The following CDH13 variants were observed in gnomAD, a reference collection of about 807,000 sequenced individuals.
CDH13 encodes cadherin 13.
In CDH13, 24 loss-of-function variants were observed where a neutral mutation model predicts 63.8. The ratio of observed to expected loss-of-function variants is 0.38; its 90% CI spans 0.27 to 0.53. CDH13 has a LOEUF of 0.53. Among genes scored for constraint, CDH13 ranks in the 20% least tolerant of loss-of-function variants. The pLI is 0.85. For missense variants in CDH13, 1,049 were observed against 903.1 expected, an observed-to-expected ratio of 1.16 and a Z score of -2.07; for synonymous variants, 503 against 355.3, an observed-to-expected ratio of 1.42 and a Z score of -4.67.
chr16:83,325,624 G>C, intron 5 of CDH13, among the ~76,000 whole-genome samples: 1 of 152,056 alleles, frequency 6.6e-6, no homozygotes, highest in East Asian at 1.9e-4. Context: ...GCCTCGATGT[G>C]GCCTGTTAAC....
At chr16:82,638,852 A>G (rs1037243353) in intron 1 of CDH13, among the ~76,000 whole-genome samples, 2 of 69,056 alleles carry the variant, frequency 2.9e-5, no homozygotes, top group Admixed American at 1.4e-4. Context: ...GCATGCACGC[A>G]CCAGTGCCAT....
At position 82,776,025 on chromosome 16, in the gene CDH13, T is replaced by C. The variant is rs531140941; in HGVS notation, c.46-82337T>C. 5.3e-5 allele frequency among the ~76,000 whole-genome samples: 8 copies of C among 152,218 alleles called. No homozygotes were observed. The South Asian group carries it at 8.3e-4, about 16-fold the overall frequency. On this transcript the variant is annotated intron_variant, in intron 1 of 13. Coordinates refer to ENST00000567109, the MANE Select transcript of CDH13 (RefSeq NM_001257.5). ...AGGAGTTCAAGACCAGTCTGGCCAA[T>C]GTGGCAAAACACTCTCTCTCCTAAA...
intron 4 of CDH13, among the ~76,000 whole-genome samples, chr16:83,156,435 C>T (rs1319320339): frequency 6.6e-6 from 1 of 152,142 alleles, no homozygotes; most frequent in Non-Finnish European, 1.5e-5. Context: ...CTAAGATACA[C>T]ACCCCATCTA....
At chr16:83,208,954 G>A (rs2039258028) in intron 4 of CDH13, among the ~76,000 whole-genome samples, 1 of 152,142 alleles carries the variant, frequency 6.6e-6, no homozygotes, top group African/African-American at 2.4e-5. Flanking sequence ...GATAGGGAGG[G>A]TATTAAGTCC....
At chr16:82,877,354 A>G (rs1246673901) in intron 2 of CDH13, among the ~76,000 whole-genome samples, 2 of 152,222 alleles carry the variant, frequency 1.3e-5, no homozygotes, top group Non-Finnish European at 2.9e-5. Flanking sequence ...GAAGCAGTGA[A>G]ATTGTTCCTG....
intron 2 of CDH13, among the ~76,000 whole-genome samples, chr16:82,997,288 T>C (rs1465029313): frequency 6.6e-6 from 1 of 152,178 alleles, no homozygotes; most frequent in African/African-American, 2.4e-5. Context: ...GACAAGCAAA[T>C]GTGTAAACTC....
intron 2 of CDH13, among the ~76,000 whole-genome samples, chr16:82,897,082 A>C (rs1286965847): frequency 6.6e-6 from 1 of 152,134 alleles, no homozygotes; most frequent in African/African-American, 2.4e-5. Context: ...GCCCTGCCAC[A>C]CTGCTGTGCA....
chr16:82,832,488 A>G (rs1420692646), intron 1 of CDH13, among the ~76,000 whole-genome samples: 1 of 152,030 alleles, frequency 6.6e-6, no homozygotes, highest in Non-Finnish European at 1.5e-5. Context: ...CTCTACCAAC[A>G]TGGTTGTAAA....
intron 1 of CDH13, among the ~76,000 whole-genome samples, chr16:82,785,967 G>A (rs1248867013): frequency 1.3e-5 from 2 of 152,196 alleles, no homozygotes; most frequent in East Asian, 3.9e-4. Flanking sequence ...TGGTTCCCCT[G>A]TTGGCTAGGG....
intron 6 of CDH13, among the ~76,000 whole-genome samples, chr16:83,433,486 G>A (rs1015257868): frequency 6.6e-6 from 1 of 152,228 alleles, no homozygotes; most frequent in African/African-American, 2.4e-5. Flanking sequence ...CCCATGTAAA[G>A]AGCATCATTG....
intron 11 of CDH13, among the ~76,000 whole-genome samples, chr16:83,764,254 C>T (rs893738065): frequency 6.6e-6 from 1 of 151,994 alleles, no homozygotes; most frequent in Non-Finnish European, 1.5e-5. Context: ...GGCCATGGAC[C>T]CCCCCACTTG....
intron 5 of CDH13, among the ~76,000 whole-genome samples, chr16:83,328,401 C>A (rs2090414976): frequency 6.6e-6 from 1 of 152,052 alleles, no homozygotes; most frequent in Non-Finnish European, 1.5e-5. Flanking sequence ...GTGAAATGAT[C>A]AAAGTTACAT....
At chr16:83,207,767 A>T (rs867404447) in intron 4 of CDH13, among the ~76,000 whole-genome samples, 4,868 of 140,378 alleles carry the variant, frequency 0.035, 253 homozygotes, top group African/African-American at 0.14. Flanking sequence ...CTCCTTAAAA[A>T]AAAAAAAAAA....
chr16:83,248,439 T>C (rs12148954), intron 5 of CDH13, among the ~76,000 whole-genome samples: 7,264 of 152,272 alleles, frequency 0.048, 199 homozygotes, highest in Middle Eastern at 0.075. Flanking sequence ...GGAAGCCCTG[T>C]CACATGCAGG....
At chr16:83,496,196 C>T (rs971765947) in intron 7 of CDH13, among the ~76,000 whole-genome samples, 24 of 151,900 alleles carry the variant, frequency 1.6e-4, no homozygotes, top group East Asian at 7.8e-4. Flanking sequence ...GAGCCCGCAT[C>T]GCCAAGTCAA....
intron 10 of CDH13, among the ~76,000 whole-genome samples, chr16:83,685,533 G>C (rs1269089465): frequency 6.6e-6 from 1 of 152,178 alleles, no homozygotes; most frequent in Non-Finnish European, 1.5e-5. Flanking sequence ...CGCTGTGCTA[G>C]GTGCTGTAAA....
chr16:82,997,585 A>G (rs1050445793), intron 2 of CDH13, among the ~76,000 whole-genome samples: 3 of 152,218 alleles, frequency 2.0e-5, no homozygotes, highest in Non-Finnish European at 4.4e-5. Flanking sequence ...GTCTCAGCTA[A>G]TGGCAATCTT....
chr16:82,924,100 G>C (rs907344968), intron 2 of CDH13, among the ~76,000 whole-genome samples: 1 of 152,078 alleles, frequency 6.6e-6, no homozygotes, highest in South Asian at 2.1e-4. Flanking sequence ...TTAAATAACT[G>C]GTATATAACT....
Position 83,006,746 on chromosome 16 carries a change from C to G in CDH13, c.158-25264C>G, listed in dbSNP as rs185460039. ...CTGGTTCTTTTCAAAATTGTGGCAACTTTATTTTCAGAAACAGGTTTCATC... is the reference window on the plus strand; with the variant it reads ...CTGGTTCTTTTCAAAATTGTGGCAAGTTTATTTTCAGAAACAGGTTTCATC... On this transcript the variant is annotated intron_variant, in intron 2 of 13. Transcript: ENST00000567109. 1.4e-4 allele frequency among the ~76,000 whole-genome samples: 22 copies of G among 152,216 alleles called. No individual in the cohort carries two copies. The South Asian group carries it at 3.5e-3, about 24-fold the overall frequency.
Sources: gnomAD v4.1 joint callset for allele counts (sites outside exome capture counted in the v4.1 genomes callset) on GRCh38, gnomAD v4.1.1 for gene constraint, MANE v1.5 for transcripts, NCBI Gene and HGNC (gene_info 2026-07-23, HGNC 2026-07-21) for gene names.